DPP6: variants seen among roughly 807,000 people sequenced by gnomAD.
The protein encoded by DPP6 is A-type potassium channel modulatory protein DPP6.
In DPP6, 69 loss-of-function variants were observed where a neutral mutation model predicts 122.6. That is an observed-to-expected ratio of 0.56 (90% CI 0.46 to 0.69). DPP6 has a LOEUF of 0.69. Ranked by LOEUF, DPP6 falls within the 30% of genes least tolerant of loss-of-function variation. The pLI is 0.00. For synonymous variants in DPP6, 418 were observed against 433.1 expected (o/e 0.97, Z 0.43); for missense variants, 928 against 1,116.9 (o/e 0.83, Z 2.41).
At chr7:153,834,663 G>A in the DPP6 span, among the ~76,000 whole-genome samples, 1 of 152,102 alleles carries the variant, frequency 6.6e-6, no homozygotes, top group Admixed American at 6.6e-5. Flanking sequence ...ATGTTGTTTT[G>A]CATCATTTTA....
the DPP6 span, among the ~76,000 whole-genome samples, chr7:153,749,059 G>A: frequency 4.6e-5 from 7 of 152,158 alleles, no homozygotes; most frequent in African/African-American, 1.7e-4. The surrounding 1 kb of genome is among the most constrained non-coding windows in gnomAD (Gnocchi z 4.1). Context: ...GGGCGCAGAT[G>A]GAGGCTACAG....
At chr7:153,958,642 G>A (rs1343184712) in intron 1 of DPP6, among the ~76,000 whole-genome samples, 9 of 152,246 alleles carry the variant, frequency 5.9e-5, no homozygotes, top group African/African-American at 1.9e-4. Context: ...TAGAATCATC[G>A]GAGGCGGGGT....
intron 1 of DPP6, among the ~76,000 whole-genome samples, chr7:154,422,419 T>A (rs1217610544): frequency 6.6e-6 from 1 of 152,232 alleles, no homozygotes; most frequent in Non-Finnish European, 1.5e-5. Context: ...ATGCTTTTAT[T>A]ACAGGTAAAA....
chr7:154,541,598 C>T (rs977794585), intron 4 of DPP6, among the ~76,000 whole-genome samples: 7 of 152,156 alleles, frequency 4.6e-5, no homozygotes, highest in African/African-American at 1.7e-4. Context: ...ATCTCCAACT[C>T]AAAGCAGTTG....
upstream of DPP6, among the ~76,000 whole-genome samples, chr7:154,051,672 C>T (rs909882945): frequency 1.3e-5 from 2 of 150,778 alleles, no homozygotes; most frequent in African/African-American, 4.9e-5. Context: ...CGAGCCTCCG[C>T]CTGCGTTCAT....
At chr7:154,053,175 C>T in intron 1 of DPP6, 112 bp downstream of exon 1, 4 of 876,538 alleles carry the variant, frequency 4.6e-6, no homozygotes, top group African/African-American at 1.8e-5. Flanking sequence ...CGCCCTCCCC[C>T]CGCCCACGAC....
At chr7:154,741,719 G>T (rs1311373519) in intron 8 of DPP6, among the ~76,000 whole-genome samples, 1 of 152,206 alleles carries the variant, frequency 6.6e-6, no homozygotes, top group Admixed American at 6.5e-5. Flanking sequence ...AGCCAGGCCA[G>T]CTGAAGGATT....
At chr7:154,623,655 GCA>G (rs758978220) in intron 5 of DPP6, among the ~76,000 whole-genome samples, 16 of 23,526 alleles carry the variant, frequency 6.8e-4, no homozygotes, top group Middle Eastern at 0.036. Context: ...GCACACACGC[GCA>G]CACACACGCA....
At chr7:154,358,427 TGGC>T (rs1284361168) in intron 1 of DPP6, among the ~76,000 whole-genome samples, 1 of 152,192 alleles carries the variant, frequency 6.6e-6, no homozygotes, top group African/African-American at 2.4e-5. Flanking sequence ...GTTTCTGAAA[TGGC>T]GGAGATGTGT....
the DPP6 span, among the ~76,000 whole-genome samples, chr7:153,841,508 C>T: frequency 2.4e-4 from 36 of 152,148 alleles, no homozygotes; most frequent in South Asian, 4.1e-4. Flanking sequence ...ATTCTCTAAA[C>T]ACAAATTAAA....
rs138289408 is a variant in DPP6 at position 154,231,491 on chromosome 7, G to A, written c.243+178428G>A. On this transcript the variant is annotated intron_variant, in intron 1 of 25. Transcript: ENST00000377770. ...TAAGTGTCAGGATAACATCGGGCAT[G>A]AGAGTCTGTTGCTGGGTCTAATAGC... Among the ~76,000 whole-genome samples the A allele has an allele frequency of 3.1e-3, 468 of 152,314 alleles. 1 individual carries two copies. The highest frequency in any genetic ancestry group is 5.1e-3 in the Non-Finnish European group (345 of 68,028).
In DPP6 at chr7:154,864,264, A is replaced by G. The variant is rs534571127; in HGVS notation, c.1715-3731A>G. Among the ~76,000 whole-genome samples, 17 of 152,244 alleles carry G rather than the reference A, an allele frequency of 1.1e-4. No homozygotes were observed. In the East Asian group the frequency reaches 2.7e-3, roughly 24 times the overall value. On this transcript the variant is annotated intron_variant, in intron 17 of 25. Transcript: ENST00000377770. ...ATTGGATCTGGTCACCAATTTTCCA[A>G]AATTTAGCACAGTGGTGATTCCATC...
At chr7:154,106,156 A>G (rs1316453236) in intron 1 of DPP6, among the ~76,000 whole-genome samples, 24 of 150,180 alleles carry the variant, frequency 1.6e-4, no homozygotes, top group African/African-American at 5.9e-4. Context: ...AAGTTCATTC[A>G]GAAAACATCT....
intron 1 of DPP6, among the ~76,000 whole-genome samples, chr7:154,373,049 T>C (rs1231401243): frequency 6.6e-6 from 1 of 152,232 alleles, no homozygotes; most frequent in East Asian, 1.9e-4. Flanking sequence ...CTTCCTGCTG[T>C]CTTGCCCTGC....
intron 8 of DPP6, among the ~76,000 whole-genome samples, chr7:154,759,581 C>G (rs967108779): frequency 6.6e-6 from 1 of 152,228 alleles, no homozygotes; most frequent in Non-Finnish European, 1.5e-5. Flanking sequence ...CAGCCTTTAG[C>G]TCTTGTCTGA....
chr7:153,974,959 C>T (rs537354650), intron 1 of DPP6, among the ~76,000 whole-genome samples: 3 of 152,318 alleles, frequency 2.0e-5, no homozygotes, highest in Admixed American at 2.0e-4. Context: ...GCGCTGGCTT[C>T]TTCGACCATG....
At position 154,666,198 on chromosome 7, in the gene DPP6, T is replaced by TACAC. The variant is rs61051281; in HGVS notation, c.681-3161_681-3160insCACA. Among the ~76,000 whole-genome samples the TACAC allele has an allele frequency of 3.4e-4, 45 of 131,724 alleles. 1 individual carries two copies. The highest frequency in any genetic ancestry group is 1.8e-4 in the African/African-American group (6 of 33,638). 86.4% of individuals were successfully genotyped at this position (131,724 alleles called of 152,430 possible). A position where few individuals can be genotyped will look rare whatever the true frequency, so the allele number is the denominator to read the frequency against. ...ATATATGTGTGTATATATATATATA[T>TACAC]ATACACATATACATACATACATACA... On this transcript the variant is annotated intron_variant, in intron 6 of 25. Transcript: ENST00000377770.
intron 1 of DPP6, among the ~76,000 whole-genome samples, chr7:154,184,514 A>T (rs970287228): frequency 3.9e-5 from 6 of 152,068 alleles, no homozygotes; most frequent in African/African-American, 1.4e-4. Flanking sequence ...GGTCTGTGTG[A>T]GTCCCACAGA....
upstream of DPP6, among the ~76,000 whole-genome samples, chr7:153,885,019 T>TATATATATA (rs1418526125): frequency 6.8e-6 from 1 of 146,506 alleles, no homozygotes; most frequent in African/African-American, 2.5e-5. Context: ...TATATATATA[T>TATATATATA]ATGTTTGTCT....
Sources: gnomAD v4.1 joint callset for allele counts (sites outside exome capture counted in the v4.1 genomes callset) on GRCh38, gnomAD v4.1.1 for gene constraint, Gnocchi (gnomAD v3.1) non-coding constraint, MANE v1.5 for transcripts, NCBI Gene and HGNC (gene_info 2026-07-23, HGNC 2026-07-21) for gene names.